The following TMEM232 variants were observed in gnomAD, a reference collection of about 807,000 sequenced individuals.
TMEM232 encodes transmembrane protein 232.
TMEM232 carries 80 observed loss-of-function variants against 78.8 expected under a neutral mutation model. The ratio of observed to expected loss-of-function variants is 1.01; its 90% CI spans 0.85 to 1.22. TMEM232 has a LOEUF of 1.22. Among genes scored for constraint, TMEM232 ranks in the 50% most tolerant of loss-of-function variants. The pLI, the probability that TMEM232 is intolerant of heterozygous loss-of-function variation, is 0.00. For synonymous variants in TMEM232, 297 were observed against 254.3 expected, an observed-to-expected ratio of 1.17 and a Z score of -1.60; for missense variants, 881 against 742.2, an observed-to-expected ratio of 1.19 and a Z score of -2.17.
intron 2 of TMEM232, among the ~76,000 whole-genome samples, chr5:110,649,518 A>G (rs181524593): frequency 1.6e-4 from 25 of 152,258 alleles, no homozygotes; most frequent in African/African-American, 5.5e-4. Flanking sequence ...TTAAAAAAAT[A>G]TCTTCCAAAA....
At chr5:110,455,394 T>G (rs1304055059) in intron 12 of TMEM232, among the ~76,000 whole-genome samples, 1 of 152,000 alleles carries the variant, frequency 6.6e-6, no homozygotes, top group Non-Finnish European at 1.5e-5. Context: ...TTTTTTTTTT[T>G]TGAGATGGAG....
intron 12 of TMEM232, among the ~76,000 whole-genome samples, chr5:110,455,527 G>A (rs1435477393): frequency 1.1e-4 from 17 of 151,824 alleles, no homozygotes; most frequent in Admixed American, 3.3e-4. Context: ...ACAGGCGCCC[G>A]CCACCACGCC....
intron 12 of TMEM232, among the ~76,000 whole-genome samples, chr5:110,502,737 G>A (rs1462010422): frequency 6.6e-6 from 1 of 152,108 alleles, no homozygotes; most frequent in Non-Finnish European, 1.5e-5. Flanking sequence ...ACTGCACATG[G>A]CAAGTGAGCC....
At chr5:110,596,816 T>G (rs1245751511) in intron 10 of TMEM232, among the ~76,000 whole-genome samples, 1 of 152,070 alleles carries the variant, frequency 6.6e-6, no homozygotes, top group African/African-American at 2.4e-5. Flanking sequence ...ATGCAACAAC[T>G]CTTTATGCTA....
At chr5:110,416,068 C>T (rs1423274175), downstream of TMEM232, among the ~76,000 whole-genome samples, 1 of 152,076 alleles carries the variant, frequency 6.6e-6, no homozygotes, top group African/African-American at 2.4e-5. Flanking sequence ...AGAAAAGTAA[C>T]TTAAGTCATC....
At chr5:110,464,645 A>C (rs1049888187) in intron 12 of TMEM232, among the ~76,000 whole-genome samples, 1 of 152,316 alleles carries the variant, frequency 6.6e-6, no homozygotes, top group African/African-American at 2.4e-5. Flanking sequence ...ATAACGAGGG[A>C]AATTTGACAC....
At chr5:110,551,885 T>C (rs914901352) in intron 11 of TMEM232, among the ~76,000 whole-genome samples, 1 of 152,226 alleles carries the variant, frequency 6.6e-6, no homozygotes, top group South Asian at 2.1e-4. Context: ...GAATTCTATA[T>C]GCATAAGTAT....
intron 1 of TMEM232, among the ~76,000 whole-genome samples, chr5:110,723,336 T>C (rs557390861): frequency 8.6e-4 from 131 of 152,272 alleles, no homozygotes; most frequent in African/African-American, 3.1e-3. Context: ...ACCTCAAATG[T>C]AAGAGACAGG....
chr5:110,736,205 A>G (rs115903346), intron 1 of TMEM232, among the ~76,000 whole-genome samples: 1,847 of 152,302 alleles, frequency 0.012, 46 homozygotes, highest in African/African-American at 0.042. Flanking sequence ...ATTTCAGCAT[A>G]ATTATTTTAG....
intron 8 of TMEM232, among the ~76,000 whole-genome samples, chr5:110,609,456 A>G (rs1781915514): frequency 6.6e-6 from 1 of 152,050 alleles, no homozygotes; most frequent in South Asian, 2.1e-4. Flanking sequence ...AGTGCAGCCA[A>G]TCCTTTATCT....
chr5:110,445,648 G>A (rs1759566115), intron 12 of TMEM232, among the ~76,000 whole-genome samples: 1 of 152,098 alleles, frequency 6.6e-6, no homozygotes, highest in African/African-American at 2.4e-5. Flanking sequence ...CTGGCACAGG[G>A]TCTCTCCAAA....
At chr5:110,687,719 T>C (rs1269635222) in intron 1 of TMEM232, among the ~76,000 whole-genome samples, 1 of 152,158 alleles carries the variant, frequency 6.6e-6, no homozygotes, top group East Asian at 1.9e-4. Context: ...TCCCTCTCTC[T>C]CTATACATGT....
chr5:110,655,166 G>A (rs1235976721), intron 2 of TMEM232, among the ~76,000 whole-genome samples: 1 of 152,010 alleles, frequency 6.6e-6, no homozygotes, highest in African/African-American at 2.4e-5. Flanking sequence ...CTGACAAAGG[G>A]CTATTATCCA....
chr5:110,662,051 T>A (rs893913563), intron 2 of TMEM232, among the ~76,000 whole-genome samples: 1 of 152,190 alleles, frequency 6.6e-6, no homozygotes, highest in Admixed American at 6.6e-5. Context: ...TAATAGTCCC[T>A]TGTCAGTCAA....
chr5:110,597,865 A>T (rs896611793), intron 10 of TMEM232, among the ~76,000 whole-genome samples: 2 of 152,234 alleles, frequency 1.3e-5, no homozygotes, highest in Non-Finnish European at 1.5e-5. Context: ...AAATTAATTC[A>T]AGATGGATTA....
rs562157270 is a variant in TMEM232 at position 110,506,493 on chromosome 5, C to T, written c.1703+22095G>A. ...TGGAGTAAAAATATGGTAATTATCC[C>T]ACTGTTGTGACTCCCCAAGACAGCC... On this transcript the variant is annotated intron_variant, in intron 12 of 13. Transcript: ENST00000455884. Among the ~76,000 whole-genome samples, 4 of 152,160 alleles carry T rather than the reference C, an allele frequency of 2.6e-5. No individual in the cohort carries two copies. The South Asian group carries it at 8.3e-4, about 32-fold the overall frequency.
intron 1 of TMEM232, among the ~76,000 whole-genome samples, chr5:110,707,723 G>A (rs1796072514): frequency 6.6e-6 from 1 of 152,158 alleles, no homozygotes; most frequent in African/African-American, 2.4e-5. Context: ...CCAACCCCAG[G>A]CAGTGCAGCT....
At chr5:110,680,604 G>A (rs1473861635) in intron 1 of TMEM232, among the ~76,000 whole-genome samples, 1 of 151,684 alleles carries the variant, frequency 6.6e-6, no homozygotes, top group African/African-American at 2.4e-5. Context: ...TTCTATTATT[G>A]AGTAAAACCA....
At chr5:110,674,533 C>T (rs999860251) in intron 1 of TMEM232, among the ~76,000 whole-genome samples, 1 of 152,134 alleles carries the variant, frequency 6.6e-6, no homozygotes, top group African/African-American at 2.4e-5. Flanking sequence ...CAATAAACAT[C>T]ACCTTTTAAA....
Sources: allele counts gnomAD v4.1 joint callset (sites outside exome capture counted in the v4.1 genomes callset), GRCh38; gene constraint gnomAD v4.1.1; transcripts MANE v1.5; gene names NCBI Gene and HGNC (gene_info 2026-07-23, HGNC 2026-07-21).